RARB: variants seen among roughly 807,000 people sequenced by gnomAD.
RARB encodes the protein retinoic acid receptor beta.
RARB carries 17 observed loss-of-function variants against 51.9 expected under a neutral mutation model. The ratio of observed to expected loss-of-function variants is 0.33; its 90% CI spans 0.22 to 0.49. The LOEUF is 0.49. Among genes scored for constraint, RARB ranks in the 20% least tolerant of loss-of-function variants. The pLI is 0.99. For missense variants in RARB, 369 were observed against 550.8 expected, an observed-to-expected ratio of 0.67 and a Z score of 3.30; for synonymous variants, 215 against 195.4, an observed-to-expected ratio of 1.10 and a Z score of -0.84.
chr3:25,005,624 C>T (rs1355118768), intron 2 of RARB, among the ~76,000 whole-genome samples: 1 of 152,094 alleles, frequency 6.6e-6, no homozygotes, highest in African/African-American at 2.4e-5. Context: ...CCTTAGAAGC[C>T]ACAAACCGTC....
chr3:24,840,059 G>C (rs1031806891), intron 1 of RARB, among the ~76,000 whole-genome samples: 9 of 152,150 alleles, frequency 5.9e-5, no homozygotes, highest in Non-Finnish European at 7.3e-5. Flanking sequence ...CCTCCAGCAA[G>C]ATTATTTCAC....
At chr3:24,999,625 A>G (rs1262762783) in intron 2 of RARB, among the ~76,000 whole-genome samples, 1 of 152,150 alleles carries the variant, frequency 6.6e-6, no homozygotes, top group Non-Finnish European at 1.5e-5. Flanking sequence ...TTCAAGACCA[A>G]CAAGAAAATG....
chr3:24,998,307 AC>A (rs2125273546), intron 2 of RARB, among the ~76,000 whole-genome samples: 1 of 143,136 alleles, frequency 7.0e-6, no homozygotes, highest in African/African-American at 2.6e-5. Flanking sequence ...AGTCCTCTGC[AC>A]CCTGGGGCCC....
Position 25,017,220 on chromosome 3 carries a change from C to A in RARB, c.-379-42905C>A, listed in dbSNP as rs28664970. Among the ~76,000 whole-genome samples the A allele has an allele frequency of 8.4e-4, 126 of 149,246 alleles. 2 individuals carry two copies. The highest frequency in any genetic ancestry group is 1.2e-3 in the Non-Finnish European group (83 of 67,822). Reference sequence around the variant, plus strand: ...TACAAATTAACTAGCTTTCCCCCCCCCTTTCAGAACCTAAACCCCCAAATC... The same window carrying A: ...TACAAATTAACTAGCTTTCCCCCCCACTTTCAGAACCTAAACCCCCAAATC... On this transcript the variant is annotated intron_variant, in intron 2 of 11. Transcript: ENST00000383772.
intron 5 of RARB, 109 bp from the exon 6 acceptor site, chr3:25,593,394 C>A (rs1010416183): frequency 2.0e-6 from 2 of 1,002,734 alleles, no homozygotes; most frequent in African/African-American, 1.6e-5. Flanking sequence ...GGGGGACAGA[C>A]TGCCCCAAGA....
intron 2 of RARB, among the ~76,000 whole-genome samples, chr3:24,928,408 C>T (rs899451322): frequency 1.3e-5 from 2 of 152,006 alleles, no homozygotes; most frequent in Admixed American, 6.6e-5. Context: ...AGTGCACCAT[C>T]GAACAAAGAT....
chr3:25,070,746 A>G (rs1698750963), intron 3 of RARB, among the ~76,000 whole-genome samples: 1 of 152,218 alleles, frequency 6.6e-6, no homozygotes, highest in African/African-American at 2.4e-5. Flanking sequence ...TATGGAGCTT[A>G]CATTCTCAAG....
intron 5 of RARB, among the ~76,000 whole-genome samples, chr3:25,364,123 A>G (rs1706039746): frequency 6.6e-6 from 1 of 151,926 alleles, no homozygotes; most frequent in South Asian, 2.1e-4. Flanking sequence ...TAATTTATCT[A>G]TTCTTTTTTT....
At chr3:25,308,891 G>T (rs1466565021) in intron 5 of RARB, among the ~76,000 whole-genome samples, 1 of 152,156 alleles carries the variant, frequency 6.6e-6, no homozygotes, top group African/African-American at 2.4e-5. Flanking sequence ...TGATATCCCA[G>T]ATGTGGTTCT....
intron 2 of RARB, among the ~76,000 whole-genome samples, chr3:24,960,896 C>A (rs939581822): frequency 6.6e-6 from 1 of 151,900 alleles, no homozygotes; most frequent in Non-Finnish European, 1.5e-5. Context: ...GGATTGGGAA[C>A]AATGACTAGG....
chr3:25,396,938 C>T (rs1707131903), intron 5 of RARB, among the ~76,000 whole-genome samples: 1 of 152,144 alleles, frequency 6.6e-6, no homozygotes, highest in African/African-American at 2.4e-5. Context: ...TGGCTGAGAT[C>T]TTGCCCCAGG....
rs527423488 is a variant in RARB, at chr3:24,963,515, C to T, written c.-379-96610C>T. Among the ~76,000 whole-genome samples the T allele has an allele frequency of 1.4e-3, 215 of 150,758 alleles. 3 individuals are homozygous for T. Among genetic ancestry groups the T allele is most frequent in the Non-Finnish European group, 7.8e-4 (53 of 67,876 alleles). On this transcript the variant is annotated intron_variant, in intron 2 of 11. Transcript: ENST00000383772. Reference sequence around the variant, plus strand: ...CTGAAAAAGAGATTATTTTCCGTTACATTATGGCTATTATTTGCTTAATAA... The same window carrying T: ...CTGAAAAAGAGATTATTTTCCGTTATATTATGGCTATTATTTGCTTAATAA...
intron 2 of RARB, among the ~76,000 whole-genome samples, chr3:24,868,360 T>G (rs964262669): frequency 2.6e-5 from 4 of 152,180 alleles, no homozygotes; most frequent in African/African-American, 9.6e-5. Flanking sequence ...TTTATAAGGC[T>G]GATAAAGCTT....
intron 5 of RARB, among the ~76,000 whole-genome samples, chr3:25,237,918 TAGAG>T (rs1348461354): frequency 6.6e-6 from 1 of 152,152 alleles, no homozygotes; most frequent in Non-Finnish European, 1.5e-5. Flanking sequence ...TGTACATATA[TAGAG>T]AGAGTACATG....
intron 5 of RARB, among the ~76,000 whole-genome samples, chr3:25,241,790 A>G (rs760647629): frequency 3.2e-4 from 48 of 152,224 alleles, no homozygotes; most frequent in Non-Finnish European, 5.7e-4. Flanking sequence ...ATGTGTCTAT[A>G]TAGCAGAATG....
intron 3 of RARB, among the ~76,000 whole-genome samples, chr3:25,072,912 A>G (rs565640435): frequency 1.3e-5 from 2 of 152,002 alleles, no homozygotes; most frequent in Non-Finnish European, 2.9e-5. Flanking sequence ...AGGTTTCACC[A>G]TGGTCTCGAT....
At position 25,079,638 on chromosome 3, in the gene RARB, G is replaced by A. The variant is rs1698951502; in HGVS notation, c.-328+19462G>A. ...AAGATACTTTTTCCATATCCGCTTA[G>A]ATGATAGTTTTTCTTCTTTACTCTG... On this transcript the variant is annotated intron_variant, in intron 3 of 11. Coordinates refer to the RARB transcript ENST00000383772. 2.0e-5 allele frequency among the ~76,000 whole-genome samples: 3 copies of A among 152,140 alleles called. No individual in the cohort carries two copies. The South Asian group carries it at 6.2e-4, about 31-fold the overall frequency.
intron 2 of RARB, among the ~76,000 whole-genome samples, chr3:24,864,132 C>G (rs1020219528): frequency 3.9e-5 from 6 of 152,194 alleles, no homozygotes; most frequent in Non-Finnish European, 1.5e-5. Flanking sequence ...TTACTTGTTT[C>G]ACCCATAACA....
At chr3:25,346,361 C>A (rs1484874820) in intron 5 of RARB, among the ~76,000 whole-genome samples, 1 of 152,066 alleles carries the variant, frequency 6.6e-6, no homozygotes, top group Admixed American at 6.5e-5. Flanking sequence ...GTATTTGTGT[C>A]TTTTATAGTC....
Sources: gnomAD v4.1 joint callset for allele counts (sites outside exome capture counted in the v4.1 genomes callset) on GRCh38, gnomAD v4.1.1 for gene constraint, MANE v1.5 for transcripts, NCBI Gene and HGNC (gene_info 2026-07-23, HGNC 2026-07-21) for gene names.